Variants in EFCAB6 observed in about 807,000 individuals in gnomAD.
EFCAB6 encodes EF-hand calcium binding domain 6, also known as EF-hand calcium-binding domain-containing protein 6.
EFCAB6 carries 156 observed loss-of-function variants against 169.8 expected under a neutral mutation model. That is an observed-to-expected ratio of 0.92 (90% CI 0.81 to 1.05). EFCAB6 has a LOEUF of 1.05. EFCAB6 is among the 50% of genes least tolerant of loss of function. The pLI is 0.00. For synonymous variants in EFCAB6, 698 were observed against 676.4 expected (o/e 1.03, Z -0.50); for missense variants, 1,800 against 1,829.1 (o/e 0.98, Z 0.29).
At chr22:43,797,092 G>A (rs563229744) in intron 2 of EFCAB6, among the ~76,000 whole-genome samples, 3 of 152,242 alleles carry the variant, frequency 2.0e-5, no homozygotes, top group African/African-American at 4.8e-5. Context: ...CCTGGATGAC[G>A]GACACAAACC....
chr22:43,594,042 G>A (rs557600509), intron 23 of EFCAB6, among the ~76,000 whole-genome samples: 6 of 152,070 alleles, frequency 3.9e-5, no homozygotes, highest in South Asian at 4.1e-4. Context: ...TTGGGAGGCC[G>A]AGGTGGGCGG....
chr22:43,790,275 T>A (rs961816121), intron 2 of EFCAB6, among the ~76,000 whole-genome samples: 11 of 152,186 alleles, frequency 7.2e-5, no homozygotes, highest in Non-Finnish European at 1.5e-4. Context: ...CTGGATTAAT[T>A]TAACTGAATT....
chr22:43,638,529 T>C (rs369050015), intron 17 of EFCAB6, among the ~76,000 whole-genome samples: 1 of 152,166 alleles, frequency 6.6e-6, no homozygotes, highest in East Asian at 1.9e-4. Flanking sequence ...GAAGACGCCC[T>C]GAGAGCGAGC....
intron 2 of EFCAB6, among the ~76,000 whole-genome samples, chr22:43,806,628 T>C (rs2062933330): frequency 6.6e-6 from 1 of 152,152 alleles, no homozygotes; most frequent in Admixed American, 6.5e-5. Context: ...CCAGACGCCA[T>C]TACCTCCAGG....
At chr22:43,801,213 C>G (rs1325771036) in intron 2 of EFCAB6, among the ~76,000 whole-genome samples, 1 of 152,032 alleles carries the variant, frequency 6.6e-6, no homozygotes, top group African/African-American at 2.4e-5. Flanking sequence ...CACTGTCATC[C>G]AAGAATATTA....
At chr22:43,709,934 T>C (rs2147358102) in intron 10 of EFCAB6, among the ~76,000 whole-genome samples, 1 of 152,206 alleles carries the variant, frequency 6.6e-6, no homozygotes, top group Admixed American at 6.5e-5. Flanking sequence ...GCAAGGAAAG[T>C]GGGGTGCTGT....
intron 2 of EFCAB6, among the ~76,000 whole-genome samples, chr22:43,807,047 T>C (rs537784223): frequency 7.2e-5 from 11 of 152,228 alleles, no homozygotes; most frequent in Admixed American, 5.9e-4. Flanking sequence ...CAGACCTTTA[T>C]GTTGGCCCCT....
At chr22:43,711,118 A>G (rs1008167858) in intron 10 of EFCAB6, among the ~76,000 whole-genome samples, 1 of 150,444 alleles carries the variant, frequency 6.6e-6, no homozygotes, top group East Asian at 2.0e-4. Flanking sequence ...ATTTATTAAT[A>G]TGATTGATAA....
intron 17 of EFCAB6, among the ~76,000 whole-genome samples, chr22:43,642,856 T>C (rs2147987255): frequency 6.6e-6 from 1 of 152,210 alleles, no homozygotes; most frequent in Admixed American, 6.5e-5. Flanking sequence ...TGCAGATAAA[T>C]AATGGGATTT....
intron 31 of EFCAB6, among the ~76,000 whole-genome samples, chr22:43,529,632 C>T (rs2046940670): frequency 6.6e-6 from 1 of 152,162 alleles, no homozygotes; most frequent in South Asian, 2.1e-4. Flanking sequence ...CCTTTTCTCT[C>T]CTGTTTTTCC....
At chr22:43,613,801 A>AC (rs2053495300) in intron 21 of EFCAB6, among the ~76,000 whole-genome samples, 1 of 151,838 alleles carries the variant, frequency 6.6e-6, no homozygotes, top group Admixed American at 6.6e-5. Flanking sequence ...TTACATTAGC[A>AC]CCCCCCAAAA....
At chr22:43,771,228 C>A (rs977170046) in intron 4 of EFCAB6, among the ~76,000 whole-genome samples, 19 of 152,038 alleles carry the variant, frequency 1.2e-4, no homozygotes, top group African/African-American at 4.3e-4. Context: ...GTCAGGAACT[C>A]GAGACCAGCC....
At chr22:43,771,825 C>T (rs529829708) in intron 4 of EFCAB6, among the ~76,000 whole-genome samples, 11 of 152,274 alleles carry the variant, frequency 7.2e-5, no homozygotes, top group South Asian at 6.2e-4. Context: ...AACTGTTTTA[C>T]GAAGTACTTT....
At chr22:43,556,128 G>A (rs973132798) in intron 26 of EFCAB6, among the ~76,000 whole-genome samples, 2 of 152,156 alleles carry the variant, frequency 1.3e-5, no homozygotes, top group Non-Finnish European at 2.9e-5. Flanking sequence ...TGGGCTCCAC[G>A]TTGAAGTCAG....
At chr22:43,784,493 A>G (rs1281043183) in intron 2 of EFCAB6, among the ~76,000 whole-genome samples, 3 of 62,638 alleles carry the variant, frequency 4.8e-5, no homozygotes, top group African/African-American at 1.3e-4. Context: ...TCTACCAAAA[A>G]AAAAAAAAAA....
intron 2 of EFCAB6, among the ~76,000 whole-genome samples, chr22:43,799,070 C>A (rs77728824): frequency 3.3e-5 from 5 of 152,156 alleles, no homozygotes; most frequent in African/African-American, 1.2e-4. Flanking sequence ...CACCTTTAAC[C>A]CCAGCACTTT....
chr22:43,583,993 G>C (rs992386442), intron 24 of EFCAB6, among the ~76,000 whole-genome samples: 3 of 152,222 alleles, frequency 2.0e-5, no homozygotes, highest in African/African-American at 7.2e-5. Flanking sequence ...AAACAAGCTA[G>C]TTTTCCTTCA....
intron 28 of EFCAB6, among the ~76,000 whole-genome samples, chr22:43,539,337 T>C (rs1028525458): frequency 2.0e-5 from 3 of 152,260 alleles, no homozygotes; most frequent in Non-Finnish European, 4.4e-5. Flanking sequence ...ACTGCTTTTC[T>C]TGCCTATTAC....
chr22:43,625,016 G>A (rs1033222572), intron 20 of EFCAB6, among the ~76,000 whole-genome samples: 7 of 152,164 alleles, frequency 4.6e-5, no homozygotes, highest in African/African-American at 7.2e-5. Context: ...AACCTGAGCC[G>A]TTGGAAGCAG....
Sources: gnomAD v4.1 joint callset for allele counts (sites outside exome capture counted in the v4.1 genomes callset) on GRCh38, gnomAD v4.1.1 for gene constraint, MANE v1.5 for transcripts, NCBI Gene and HGNC (gene_info 2026-07-23, HGNC 2026-07-21) for gene names.